The following CDRT4 variants were observed in gnomAD, a reference collection of about 807,000 sequenced individuals.
The protein encoded by CDRT4 is CMT1A duplicated region transcript 4 protein.
For synonymous variants in CDRT4, 64 were observed against 69.6 expected (o/e 0.92, Z 0.40); for missense variants, 167 against 193.1 (o/e 0.87, Z 0.80).
At chr17:15,438,969 G>C (rs969758478) in intron 3 of CDRT4, among the ~76,000 whole-genome samples, 1 of 152,196 alleles carries the variant, frequency 6.6e-6, no homozygotes, top group Non-Finnish European at 1.5e-5. Context: ...TTGCTGGCCA[G>C]AAGTTTGGGG....
At chr17:15,443,270 CTTTT>C (rs911939584) in intron 2 of CDRT4, among the ~76,000 whole-genome samples, 1 of 148,400 alleles carries the variant, frequency 6.7e-6, no homozygotes, top group Non-Finnish European at 1.5e-5. Flanking sequence ...TCTGTAATTT[CTTTT>C]TTTCTTTCTT....
intron 2 of CDRT4, among the ~76,000 whole-genome samples, chr17:15,448,109 G>A (rs891946236): frequency 6.6e-6 from 1 of 152,166 alleles, no homozygotes; most frequent in Non-Finnish European, 1.5e-5. Context: ...ACACTTCAGG[G>A]AAACAGCCCG....
At chr17:15,445,552 A>G (rs1267385979) in intron 2 of CDRT4, among the ~76,000 whole-genome samples, 1 of 152,210 alleles carries the variant, frequency 6.6e-6, no homozygotes, top group Non-Finnish European at 1.5e-5. Flanking sequence ...TCATGGAACT[A>G]GCAACCAGTG....
intron 2 of CDRT4, among the ~76,000 whole-genome samples, chr17:15,446,808 T>C (rs1183523673): frequency 6.6e-6 from 1 of 152,182 alleles, no homozygotes; most frequent in Non-Finnish European, 1.5e-5. Flanking sequence ...AGGGGATATG[T>C]TGCTTCTTGA....
intron 2 of CDRT4, among the ~76,000 whole-genome samples, chr17:15,449,173 G>A (rs892904255): frequency 5.3e-5 from 8 of 152,260 alleles, no homozygotes; most frequent in Non-Finnish European, 2.9e-5. Flanking sequence ...AAACGCCACT[G>A]TGCCGATTGG....
intron 2 of CDRT4, among the ~76,000 whole-genome samples, chr17:15,444,781 A>T (rs1429649597): frequency 2.0e-5 from 3 of 150,410 alleles, no homozygotes; most frequent in Admixed American, 2.0e-4. Context: ...TTCCAGTCCT[A>T]AGACACATGC....
At chr17:15,443,217 C>A (rs1294603882) in intron 2 of CDRT4, among the ~76,000 whole-genome samples, 1 of 151,878 alleles carries the variant, frequency 6.6e-6, no homozygotes, top group African/African-American at 2.4e-5. Flanking sequence ...TTGTCACTTA[C>A]AAAATGAGGA....
chr17:15,459,444 T>C (rs1040470102), intron 1 of CDRT4, among the ~76,000 whole-genome samples: 73 of 137,594 alleles, frequency 5.3e-4, no homozygotes, highest in African/African-American at 1.9e-3. Flanking sequence ...TTTTTCTTTT[T>C]TTTTTTTTTT....
rs544942448 is a variant in CDRT4 at position 15,462,824 on chromosome 17, C to T, written c.-130+4636G>A. Among the ~76,000 whole-genome samples, 8 of 152,092 alleles carry T rather than the reference C, an allele frequency of 5.3e-5. No individual in the cohort carries two copies. In the South Asian group the frequency reaches 1.7e-3, roughly 32 times the overall value. On this transcript the variant is annotated intron_variant, in intron 1 of 3. Transcript: ENST00000619038. ...TCTGAGGATTAGAGAAAGGGGTTATCGATGGGAGAAGGAAGGAGGGAGGTT... is the reference window on the plus strand; with the variant it reads ...TCTGAGGATTAGAGAAAGGGGTTATTGATGGGAGAAGGAAGGAGGGAGGTT...
intron 2 of CDRT4, among the ~76,000 whole-genome samples, chr17:15,441,578 T>C (rs1197816876): frequency 1.3e-5 from 2 of 152,118 alleles, no homozygotes; most frequent in Non-Finnish European, 2.9e-5. Context: ...TTCATCCCCC[T>C]TTTTCCCTAA....
intron 1 of CDRT4, among the ~76,000 whole-genome samples, chr17:15,453,350 T>C (rs936392948): frequency 3.9e-5 from 6 of 152,164 alleles, no homozygotes; most frequent in Admixed American, 1.3e-4. Flanking sequence ...AACATAACTA[T>C]CCACATAGAA....
In CDRT4 at chr17:15,437,578, G is replaced by A. The variant is rs1163683054; in HGVS notation, c.*195C>T. 1 of 616,756 alleles carries A rather than the reference G, an allele frequency of 1.6e-6. No individual in the cohort carries two copies. The highest frequency in any genetic ancestry group is 2.8e-6 in the Non-Finnish European group (1 of 353,846). 38.2% of individuals were successfully genotyped at this position (616,756 alleles called of 1,614,324 possible). A position where few individuals can be genotyped will look rare whatever the true frequency, so the allele number is the denominator to read the frequency against. On this transcript the variant is annotated 3_prime_UTR_variant, in exon 4 of 4. Transcript: ENST00000619038. The stretch of plus-strand genomic sequence containing the variant: ...ACCCACCAGAGAGCAGTGTGGGAGG[G>A]GACACACTCACCCACCCACCTACAG...
intron 3 of CDRT4, 90 bp downstream of exon 3, chr17:15,440,118 G>A (rs1460768756): frequency 1.6e-6 from 2 of 1,221,974 alleles, no homozygotes; most frequent in East Asian, 2.6e-5. Context: ...AAAAAAGAGT[G>A]GCCGCCCAGT....
At chr17:15,457,834 C>T (rs1396039841) in intron 1 of CDRT4, among the ~76,000 whole-genome samples, 2 of 152,160 alleles carry the variant, frequency 1.3e-5, no homozygotes, top group Admixed American at 6.5e-5. Context: ...GGTCAGTGCA[C>T]GGGGCTTCTC....
In CDRT4 at chr17:15,450,264, C is replaced by G. The variant is rs1213507629; in HGVS notation, c.-48+2740G>C. On this transcript the variant is annotated intron_variant, in intron 2 of 3. Coordinates refer to ENST00000619038, the MANE Select transcript of CDRT4 (RefSeq NM_001204477.2). This position sits in a 1 kb window ranked among gnomAD's most constrained non-coding sequence, Gnocchi z 4.2. ...CCGGCTTTGAGAAAAATCCAAGAAT[C>G]CATCAAGAACTCCCTCATCTCCCAC... is the stretch of plus-strand genomic sequence containing the variant. 2.0e-5 allele frequency among the ~76,000 whole-genome samples: 3 copies of G among 152,156 alleles called. No homozygotes were observed. The highest frequency in any genetic ancestry group is 4.4e-5 in the Non-Finnish European group (3 of 68,030).
chr17:15,438,327 T>G (rs1567607769), intron 3 of CDRT4, 127 bp from the exon 4 acceptor site: 1 of 805,772 alleles, frequency 1.2e-6, no homozygotes, highest in African/African-American at 1.7e-5. Flanking sequence ...TTGTATTCAG[T>G]AGGAATAAAA....
At chr17:15,466,875 CTTGA>C (rs1443952169) in intron 1 of CDRT4, among the ~76,000 whole-genome samples, 1 of 152,154 alleles carries the variant, frequency 6.6e-6, no homozygotes, top group South Asian at 2.1e-4. Flanking sequence ...AAATAAGTGA[CTTGA>C]TTATTATTGT....
chr17:15,465,554 C>A (rs535768513), intron 1 of CDRT4, among the ~76,000 whole-genome samples: 8 of 151,480 alleles, frequency 5.3e-5, no homozygotes, highest in South Asian at 4.2e-4. Context: ...CACAAACACA[C>A]ACAACAAAGA....
At chr17:15,459,190 T>C (rs1420854554) in intron 1 of CDRT4, among the ~76,000 whole-genome samples, 1 of 152,080 alleles carries the variant, frequency 6.6e-6, no homozygotes, top group East Asian at 1.9e-4. Context: ...TCATGGTGAT[T>C]TCTAAAACTT....
Sources: gnomAD v4.1 joint callset for allele counts (sites outside exome capture counted in the v4.1 genomes callset) on GRCh38, gnomAD v4.1.1 for gene constraint, Gnocchi (gnomAD v3.1) non-coding constraint, MANE v1.5 for transcripts, NCBI Gene and HGNC (gene_info 2026-07-23, HGNC 2026-07-21) for gene names.